The following SPTBN2 variants were observed in gnomAD, a reference collection of about 807,000 sequenced individuals.
SPTBN2 encodes the protein spectrin beta chain, non-erythrocytic 2.
Under a neutral mutation model 284.2 loss-of-function variants are expected in SPTBN2, and 107 were observed. That is an observed-to-expected ratio of 0.38 (90% CI 0.32 to 0.44). SPTBN2 has a LOEUF of 0.44. SPTBN2 is among the 20% of genes least tolerant of loss of function. SPTBN2 has a pLI of 1.00. For synonymous variants in SPTBN2, 1,289 were observed against 1,354.8 expected, an observed-to-expected ratio of 0.95 and a Z score of 1.07; for missense variants, 2,569 against 3,287.1, an observed-to-expected ratio of 0.78 and a Z score of 5.34.
In SPTBN2 at chr11:66,713,703, G is replaced by A; in HGVS notation, c.700C>T (p.His234Tyr). 2 of 1,614,122 alleles carry A rather than the reference G, an allele frequency of 1.2e-6. No individual in the cohort carries two copies. Among genetic ancestry groups the A allele is most frequent in the Non-Finnish European group, 1.7e-6 (2 of 1,180,022 alleles). The change falls in exon 8 of 38, where the codon CAC becomes TAC. Residue 234 changes from histidine to tyrosine, a missense_variant. Coordinates refer to ENST00000533211, the MANE Select transcript of SPTBN2 (RefSeq NM_006946.4). ...TTGAATGCATTCTGCAGATTATAGT[G>A]TGCATTACACTTCTTCAGAGACTCA... is the stretch of plus-strand genomic sequence containing the variant. ...DFESLKKCNA[H>Y]YNLQNAFNLA... is the part of the protein sequence containing the mutation.
At position 66,704,765 on chromosome 11, in the gene SPTBN2, C is replaced by T. The variant is rs1472201200; in HGVS notation, c.2511G>A (p.Leu837=). ...GCGCTCGCTCGCCTGCCCGGGCCTG[C>T]AGCTCCTCGTAGTGCCGCTCCAGGG... ...VPTLERHYEE[L]QARAGERARA... is the part of the protein sequence containing the mutation. Residue 837 remains leucine (L), a synonymous_variant, in exon 15 of 38, where the codon CTG becomes CTA. Transcript: ENST00000533211. The T allele has an allele frequency of 1.9e-6, 3 of 1,604,306 alleles. No homozygotes were observed. The highest frequency in any genetic ancestry group is 2.7e-5 in the African/African-American group (2 of 74,778).
chr11:66,732,466 A>T (rs1467404435), upstream of SPTBN2, among the ~76,000 whole-genome samples: 2 of 152,094 alleles, frequency 1.3e-5, no homozygotes, highest in Non-Finnish European at 2.9e-5. Context: ...TGGCTAACAC[A>T]GTGAAACCCC....
chr11:66,743,439 G>A (rs906925449), intron 1 of SPTBN2, among the ~76,000 whole-genome samples: 4 of 152,154 alleles, frequency 2.6e-5, no homozygotes, highest in African/African-American at 9.7e-5. Context: ...GAGCTGGGGT[G>A]GAAGAATTTT....
rs376959769 is a variant in SPTBN2 at position 66,698,971 on chromosome 11, C to T, written c.3867+21G>A. The T allele has an allele frequency of 1.4e-4, 220 of 1,613,918 alleles. 8 individuals carry two copies. Among genetic ancestry groups the T allele is most frequent in the East Asian group, 5.6e-4 (25 of 44,882 alleles). Reference sequence around the variant, plus strand: ...AGAAAGGGATGGCTAGGGAATATCCCGGGGCCCCAGGGAGCCTCACCTCGT... The same window carrying T: ...AGAAAGGGATGGCTAGGGAATATCCTGGGGCCCCAGGGAGCCTCACCTCGT... On this transcript the variant is annotated intron_variant, in intron 19 of 37. Coordinates refer to ENST00000533211, the MANE Select transcript of SPTBN2 (RefSeq NM_006946.4).
chr11:66,689,378 A>T, intron 29 of SPTBN2, 198 bp from the exon 30 acceptor site: 1 of 597,460 alleles, frequency 1.7e-6, no homozygotes, highest in Non-Finnish European at 2.9e-6. Context: ...AGGTTCAAGC[A>T]ATTCTCCTGC....
chr11:66,714,065 T>C, intron 7 of SPTBN2, 26 bp downstream of exon 7: 1 of 1,613,284 alleles, frequency 6.2e-7, no homozygotes, highest in East Asian at 2.2e-5. Flanking sequence ...GCAGCTCTGC[T>C]GCGTTTGCTA....
At chr11:66,729,759 C>T (rs1942769990), upstream of SPTBN2, among the ~76,000 whole-genome samples, 4 of 152,090 alleles carry the variant, frequency 2.6e-5, no homozygotes, top group Admixed American at 2.6e-4. Context: ...CTGGAACTGG[C>T]TCTCTGGTGT....
In SPTBN2 at chr11:66,687,090, C is replaced by T. The variant is rs1379744808; in HGVS notation, c.6800G>A (p.Gly2267Glu). 2 of 1,614,150 alleles carry T rather than the reference C, an allele frequency of 1.2e-6. No individual in the cohort carries two copies. The highest frequency in any genetic ancestry group is 1.7e-6 in the Non-Finnish European group (2 of 1,180,044). The change falls in exon 36 of 38, where the codon GGA (glycine) becomes GAA (glutamate). Residue 2267 changes from glycine (G) to glutamate (E), a missense_variant. By Grantham distance (98) the Gly-to-Glu change is moderately conservative. Coordinates refer to ENST00000533211, the MANE Select transcript of SPTBN2 (RefSeq NM_006946.4). This position sits in a 1 kb window ranked among gnomAD's most constrained non-coding sequence, Gnocchi z 5.2. ...AGGCACTTCTCCGTGGTATGGCACT[C>T]CCGCGCTGGCTGCCTTGGCATCCTT... ...FYKDAKAASA[G>E]VPYHGEVPVS...
upstream of SPTBN2, among the ~76,000 whole-genome samples, chr11:66,729,863 T>G (rs1050804249): frequency 3.9e-5 from 6 of 152,164 alleles, no homozygotes; most frequent in Non-Finnish European, 8.8e-5. Context: ...GTACAGTGGC[T>G]TGATCTCGGC....
rs1348891530 is a variant in SPTBN2, at chr11:66,708,426, T to C, written c.1192-127A>G. ...CGTGGAATGCAGTGGGTGAGACGCC[T>C]GGGCGTGGAAACAGGAAACAGGGCA... On this transcript the variant is annotated intron_variant, in intron 11 of 37. Coordinates refer to ENST00000533211, the MANE Select transcript of SPTBN2 (RefSeq NM_006946.4). The surrounding 1 kb of genome is among the most constrained non-coding windows in gnomAD (Gnocchi z 4.4). 3 of 1,002,262 alleles carry C rather than the reference T, an allele frequency of 3.0e-6. No homozygotes were observed. The highest frequency in any genetic ancestry group is 4.3e-6 in the Non-Finnish European group (3 of 703,432). 62.1% of individuals were successfully genotyped at this position (1,002,262 alleles called of 1,614,324 possible). A position where few individuals can be genotyped will look rare whatever the true frequency, so the allele number is the denominator to read the frequency against.
Position 66,705,110 on chromosome 11 carries a change from T to G in SPTBN2, c.2166A>C (p.Ala722=). ...HPGASQASAR[A]AELQAQWERL... ...GCTCCCACTGGGCTTGGAGTTCAGC[T>G]GCACGGGCAGAGGCCTGGCTTGCCC... Residue 722 remains alanine, a synonymous_variant, in exon 15 of 38, where the codon GCA becomes GCC. Coordinates refer to ENST00000533211, the MANE Select transcript of SPTBN2 (RefSeq NM_006946.4). 1 of 1,555,284 alleles carries G rather than the reference T, an allele frequency of 6.4e-7. No individual in the cohort carries two copies.
At chr11:66,744,358 G>T (rs1398111149) in intron 1 of SPTBN2, 2 of 153,292 alleles carry the variant, frequency 1.3e-5, no homozygotes, top group African/African-American at 4.8e-5. Flanking sequence ...TGTTGGAGGG[G>T]TCACGAACCC....
intron 1 of SPTBN2, among the ~76,000 whole-genome samples, chr11:66,740,505 G>T (rs1282144907): frequency 6.6e-6 from 1 of 152,144 alleles, no homozygotes; most frequent in East Asian, 1.9e-4. Context: ...TGGTGAAGCT[G>T]CCCCAGATTC....
At chr11:66,717,824 T>TAC (rs151048376) in intron 3 of SPTBN2, among the ~76,000 whole-genome samples, 21 of 151,846 alleles carry the variant, frequency 1.4e-4, no homozygotes, top group African/African-American at 3.4e-4. Flanking sequence ...CCTAGATCCT[T>TAC]ACACACACAC....
chr11:66,715,482 T>TC lies in SPTBN2; in HGVS notation c.310-88dup. On this transcript the variant is annotated intron_variant, in intron 4 of 37. Transcript: ENST00000533211. This position sits in a 1 kb window ranked among gnomAD's most constrained non-coding sequence, Gnocchi z 5.3. ...TCACAGGGCCCAGCTTTGCACACCT[T>TC]CCCCATGACCTACCTCAGGAACACA... 1 of 1,503,300 alleles carries TC rather than the reference T, an allele frequency of 6.7e-7. No individual in the cohort carries two copies. Among genetic ancestry groups the TC allele is most frequent in the Non-Finnish European group, 9.0e-7 (1 of 1,113,794 alleles). 93.1% of individuals were successfully genotyped at this position (1,503,300 alleles called of 1,614,324 possible).
At chr11:66,686,251 T>C (rs1159830561) in intron 37 of SPTBN2, 147 bp from the exon 38 acceptor site, 5 of 1,344,354 alleles carry the variant, frequency 3.7e-6, no homozygotes, top group Middle Eastern at 1.8e-4. Flanking sequence ...AGACAGGGAG[T>C]GCGGCCTGGT....
chr11:66,717,403 C>T (rs779321673), intron 3 of SPTBN2, among the ~76,000 whole-genome samples: 64 of 152,112 alleles, frequency 4.2e-4, no homozygotes, highest in Non-Finnish European at 1.3e-4. Context: ...CGTCTCAGCA[C>T]CAGCATCTCA....
rs1942848281 is a variant in SPTBN2 at position 66,735,881 on chromosome 11, CAT to C, written c.-474-6691_-474-6690del. 2.6e-5 allele frequency among the ~76,000 whole-genome samples: 4 copies of C among 152,180 alleles called. No homozygotes were observed. In the East Asian group the frequency reaches 5.8e-4, roughly 22 times the overall value. ...CTAAGTTGAGAAATAAAGAAAATGA[CAT>C]ATTTCCTCACTTGAGTCTATGACTT... On this transcript the variant is annotated intron_variant, in intron 1 of 37. Coordinates refer to the SPTBN2 transcript ENST00000611817.
Position 66,705,274 on chromosome 11 carries a change from C to A in SPTBN2, c.2002G>T (p.Asp668Tyr). The stretch of plus-strand genomic sequence containing the variant: ...GCACCGGTCAGGTCTCGGCCCGTGT[C>A]GGCTGAGGCCAGGAGGTGCTGCTGC... ...REQQHLLASA[D>Y]TGRDLTGALR... is the part of the protein sequence containing the mutation. The change falls in exon 15 of 38, where the codon GAC becomes TAC. Residue 668 changes from aspartate to tyrosine, a missense_variant. Asp to Tyr is a radical substitution (Grantham distance 160). Around this residue, in one of 6 missense-constraint regions of SPTBN2, gnomAD observed 1,012 missense variants for 1,248.9 expected, o/e 0.81. Coordinates refer to ENST00000533211, the MANE Select transcript of SPTBN2 (RefSeq NM_006946.4). The A allele has an allele frequency of 6.3e-7, 1 of 1,594,796 alleles. No individual in the cohort carries two copies. The highest frequency in any genetic ancestry group is 8.5e-7 in the Non-Finnish European group (1 of 1,175,812).
Sources: allele counts gnomAD v4.1 joint callset (sites outside exome capture counted in the v4.1 genomes callset), GRCh38; gene constraint gnomAD v4.1.1; regional missense constraint gnomAD v4.1.1; non-coding constraint Gnocchi (gnomAD v3.1); transcripts MANE v1.5; gene names NCBI Gene and HGNC (gene_info 2026-07-23, HGNC 2026-07-21).